Variants in ARHGEF28 observed in about 807,000 individuals in gnomAD.
ARHGEF28 encodes the protein 190 kDa guanine nucleotide exchange factor.
In ARHGEF28, 152 loss-of-function variants were observed where a neutral mutation model predicts 206.6. The observed-to-expected ratio is 0.74, with a 90% CI of 0.64 to 0.84. ARHGEF28 has a LOEUF of 0.84. Ranked by LOEUF, ARHGEF28 falls within the 40% of genes least tolerant of loss-of-function variation. The pLI is 0.00. For missense variants in ARHGEF28, 2,028 were observed against 2,073.2 expected (o/e 0.98, Z 0.42); for synonymous variants, 763 against 776.4 (o/e 0.98, Z 0.29).
intron 1 of ARHGEF28, among the ~76,000 whole-genome samples, chr5:73,640,263 G>T (rs1308991749): frequency 1.3e-5 from 2 of 152,276 alleles, no homozygotes; most frequent in East Asian, 3.9e-4. Context: ...CCAGTCCTCA[G>T]TTTCCTCATC....
chr5:73,941,382 G>T lies in ARHGEF28; in HGVS notation c.*369G>T. 6.4e-6 allele frequency: 1 copy of T among 157,058 alleles called. No individual in the cohort carries two copies. The highest frequency in any genetic ancestry group is 1.4e-5 in the Non-Finnish European group (1 of 71,158). The allele number at this position is 157,058 out of a possible 1,614,324, so 9.7% of individuals were successfully genotyped here. A position where few individuals can be genotyped will look rare whatever the true frequency, so the allele number is the denominator to read the frequency against. ...ATGAAGCAATTTGGATTTAAAGAGT[G>T]GTATTCACAAGGGGTGAACTTTCAC... On this transcript the variant is annotated 3_prime_UTR_variant, in exon 36 of 36. Transcript: ENST00000513042.
rs1261449071 is a variant in ARHGEF28 at position 73,909,841 on chromosome 5, T to C, written c.4591T>C (p.Trp1531Arg). The change falls in exon 34 of 36, where the codon TGG (tryptophan) becomes CGG (arginine). Residue 1531 changes from tryptophan (W) to arginine (R), a missense_variant. Transcript: ENST00000513042. ...MRAQQSLLGH[W>R]KHGRQRSLPA... Reference sequence around the variant, plus strand: ...GGCCCAGCAGAGCCTGCTGGGCCACTGGAAGCACGGCCGGCAGAGGAGCCT... The same window carrying C: ...GGCCCAGCAGAGCCTGCTGGGCCACCGGAAGCACGGCCGGCAGAGGAGCCT... The C allele has an allele frequency of 6.5e-6, 10 of 1,541,498 alleles. No individual in the cohort carries two copies. In the Admixed American group the frequency reaches 2.0e-4, roughly 31 times the overall value.
chr5:73,690,872 T>C (rs1472903950), intron 2 of ARHGEF28, among the ~76,000 whole-genome samples: 1 of 152,184 alleles, frequency 6.6e-6, no homozygotes. Flanking sequence ...AACACTTGCT[T>C]ATTATAAAGA....
At chr5:73,675,897 T>C (rs1161629039) in intron 1 of ARHGEF28, among the ~76,000 whole-genome samples, 1 of 141,786 alleles carries the variant, frequency 7.1e-6, no homozygotes, top group East Asian at 1.9e-4. Context: ...TGTAGTCTTA[T>C]GCAAATTATA....
chr5:73,720,315 T>A (rs1749862915), intron 2 of ARHGEF28, among the ~76,000 whole-genome samples: 1 of 151,802 alleles, frequency 6.6e-6, no homozygotes, highest in Non-Finnish European at 1.5e-5. Flanking sequence ...AATGAATGAA[T>A]GACAGAACCT....
At chr5:73,684,782 C>A in intron 1 of ARHGEF28, 59 bp from the exon 2 acceptor site, 2 of 1,494,044 alleles carry the variant, frequency 1.3e-6, no homozygotes, top group Non-Finnish European at 1.8e-6. Flanking sequence ...GAGAGCTCTG[C>A]TGGTCGGTTC....
chr5:73,662,990 CT>C (rs1745703553), intron 1 of ARHGEF28, among the ~76,000 whole-genome samples: 1 of 152,166 alleles, frequency 6.6e-6, no homozygotes, highest in Non-Finnish European at 1.5e-5. Context: ...AGATCTCACT[CT>C]GCTGCCCAGG....
At chr5:73,901,137 T>C (rs1762244429) in intron 30 of ARHGEF28, 47 bp from the exon 31 acceptor site, 1 of 1,526,714 alleles carries the variant, frequency 6.6e-7, no homozygotes. Flanking sequence ...GGCTGGCCGA[T>C]GTTTGACGCT....
At chr5:73,799,943 G>A (rs1199002327) in intron 9 of ARHGEF28, among the ~76,000 whole-genome samples, 1 of 152,048 alleles carries the variant, frequency 6.6e-6, no homozygotes, top group African/African-American at 2.4e-5. Flanking sequence ...GTAGAGAGTG[G>A]GCTTGGCGCA....
At chr5:73,933,090 G>A (rs1764225077) in intron 35 of ARHGEF28, among the ~76,000 whole-genome samples, 1 of 152,072 alleles carries the variant, frequency 6.6e-6, no homozygotes, top group African/African-American at 2.4e-5. Context: ...GATTACAGGC[G>A]TGAGCCACCG....
At chr5:73,736,556 C>T (rs937596748) in intron 2 of ARHGEF28, among the ~76,000 whole-genome samples, 5 of 152,158 alleles carry the variant, frequency 3.3e-5, no homozygotes, top group African/African-American at 1.2e-4. Flanking sequence ...AATTAAAACA[C>T]AAAGGGTCCT....
intron 29 of ARHGEF28, among the ~76,000 whole-genome samples, 191 bp downstream of exon 29, chr5:73,894,766 G>A (rs1306297274): frequency 2.6e-5 from 4 of 152,202 alleles, no homozygotes; most frequent in African/African-American, 9.7e-5. Flanking sequence ...TGTATCAAGT[G>A]CTATGAAGAA....
rs59263206 is a variant in ARHGEF28, at chr5:73,771,547, CA to C, written c.476-2296del. Among the ~76,000 whole-genome samples, 106 of 139,744 alleles carry C rather than the reference CA, an allele frequency of 7.6e-4. 1 individual carries two copies. Among genetic ancestry groups the C allele is most frequent in the Middle Eastern group, 3.7e-3 (1 of 268 alleles). The allele number at this position is 139,744 out of a possible 152,430, so 91.7% of individuals were successfully genotyped here. ...TGGGCAACAGAGTGAGACTCCATCT[CA>C]AAAAAAAAAAAGGAGAGAAATTCCA... is the stretch of plus-strand genomic sequence containing the variant. On this transcript the variant is annotated intron_variant, in intron 4 of 35. Transcript: ENST00000513042.
chr5:73,691,088 C>A (rs1364988959), intron 2 of ARHGEF28, among the ~76,000 whole-genome samples: 2 of 152,018 alleles, frequency 1.3e-5, no homozygotes, highest in African/African-American at 4.8e-5. Context: ...AGCCACCACA[C>A]CTGGCTAATT....
At chr5:73,880,415 G>A (rs565354934) in intron 22 of ARHGEF28, among the ~76,000 whole-genome samples, 1 of 152,138 alleles carries the variant, frequency 6.6e-6, no homozygotes, top group African/African-American at 2.4e-5. Flanking sequence ...TTCAGCTCAC[G>A]CATGGTGTGC....
chr5:73,685,273 T>A (rs867845232), intron 2 of ARHGEF28, among the ~76,000 whole-genome samples: 13 of 152,258 alleles, frequency 8.5e-5, no homozygotes, highest in Middle Eastern at 6.8e-3. Flanking sequence ...GAAATAAGAA[T>A]TCAAACAAAA....
At position 73,866,836 on chromosome 5, in the gene ARHGEF28, T is replaced by C. The variant is rs560148917; in HGVS notation, c.2152+823T>C. Among the ~76,000 whole-genome samples, 28 of 152,348 alleles carry C rather than the reference T, an allele frequency of 1.8e-4. No homozygotes were observed. In the South Asian group the frequency reaches 5.6e-3, roughly 30 times the overall value. Reference sequence around the variant, plus strand: ...CTGCCTAAAGTTGTGTTGCTTGACATGTGGCAGGAATTTTAAGTGCATGGT... The same window carrying C: ...CTGCCTAAAGTTGTGTTGCTTGACACGTGGCAGGAATTTTAAGTGCATGGT... On this transcript the variant is annotated intron_variant, in intron 18 of 35. Coordinates refer to ENST00000513042, the MANE Select transcript of ARHGEF28 (RefSeq NM_001177693.2).
intron 14 of ARHGEF28, among the ~76,000 whole-genome samples, chr5:73,855,160 TCTC>T (rs1758938920): frequency 6.6e-6 from 1 of 152,172 alleles, no homozygotes; most frequent in South Asian, 2.1e-4. Context: ...GGTTTTCTCT[TCTC>T]AATTATTTTC....
chr5:73,937,574 A>G (rs1276353853), intron 35 of ARHGEF28, among the ~76,000 whole-genome samples: 1 of 152,212 alleles, frequency 6.6e-6, no homozygotes, highest in African/African-American at 2.4e-5. Context: ...GTTTTGTTTC[A>G]TTATAATAAT....
Sources: allele counts gnomAD v4.1 joint callset (sites outside exome capture counted in the v4.1 genomes callset), GRCh38; gene constraint gnomAD v4.1.1; transcripts MANE v1.5; gene names NCBI Gene and HGNC (gene_info 2026-07-23, HGNC 2026-07-21).